The following TSPAN9 variants were observed in gnomAD, a reference collection of about 807,000 sequenced individuals.
The protein encoded by TSPAN9 is tetraspanin 9.
In TSPAN9, 16 loss-of-function variants were observed where a neutral mutation model predicts 31.0. That is an observed-to-expected ratio of 0.52 (90% CI 0.35 to 0.78). The LOEUF (loss-of-function observed/expected upper bound fraction) is 0.78. Ranked by LOEUF, TSPAN9 falls within the 30% of genes least tolerant of loss-of-function variation. TSPAN9 has a pLI of 0.01. For synonymous variants in TSPAN9, 145 were observed against 121.6 expected, an observed-to-expected ratio of 1.19 and a Z score of -1.27; for missense variants, 272 against 312.5, an observed-to-expected ratio of 0.87 and a Z score of 0.98.
chr12:3,178,546 C>T (rs1181968958), intron 2 of TSPAN9, among the ~76,000 whole-genome samples: 1 of 152,212 alleles, frequency 6.6e-6, no homozygotes, highest in Non-Finnish European at 1.5e-5. Flanking sequence ...CCGCCTTGGC[C>T]TCCCAAAGTG....
In TSPAN9 at chr12:3,109,091, A is replaced by T. The variant is rs555837615; in HGVS notation, c.-18+25372A>T. ...GCTGGGACTACAGGCACTCGCCACC[A>T]CGCCCGGCTAATTTTTTGCATTTTT... is the stretch of plus-strand genomic sequence containing the variant. On this transcript the variant is annotated intron_variant, in intron 2 of 8. Coordinates refer to ENST00000011898, the MANE Select transcript of TSPAN9 (RefSeq NM_006675.5). Among the ~76,000 whole-genome samples the T allele has an allele frequency of 4.2e-3, 636 of 151,738 alleles. 7 individuals are homozygous for T. Among genetic ancestry groups the T allele is most frequent in the Middle Eastern group, 0.031 (9 of 292 alleles).
intron 2 of TSPAN9, among the ~76,000 whole-genome samples, chr12:3,095,619 G>A (rs1256914618): frequency 2.6e-5 from 3 of 116,622 alleles, no homozygotes; most frequent in East Asian, 2.4e-4. Context: ...GCGGCTGGCC[G>A]GGCGGAGGGC....
At position 3,274,016 on chromosome 12, in the gene TSPAN9, T is replaced by TG. The variant is rs558273719; in HGVS notation, c.64-4402dup. On this transcript the variant is annotated intron_variant, in intron 3 of 8. Coordinates refer to ENST00000011898, the MANE Select transcript of TSPAN9 (RefSeq NM_006675.5). The stretch of plus-strand genomic sequence containing the variant: ...TCTCAAGATGTTGGCAGCCCAAGGG[T>TG]GGGTGCCTGGCGTGGGGGGATAGGG... Among the ~76,000 whole-genome samples the TG allele has an allele frequency of 1.2e-3, 179 of 151,756 alleles. 3 individuals are homozygous for TG. Among genetic ancestry groups the TG allele is most frequent in the Non-Finnish European group, 1.4e-3 (97 of 67,876 alleles).
Position 3,239,003 on chromosome 12 carries a change from C to A in TSPAN9, c.63+37747C>A, listed in dbSNP as rs561106408. 1.1e-4 allele frequency among the ~76,000 whole-genome samples: 16 copies of A among 152,314 alleles called. No individual in the cohort carries two copies. The East Asian group carries it at 2.9e-3, about 28-fold the overall frequency. ...CAGCCCAGAGAGGGGTAGGTGAGTT[C>A]CCACTGGCACCCAGCATGGCGTTAG... On this transcript the variant is annotated intron_variant, in intron 3 of 8. Coordinates refer to ENST00000011898, the MANE Select transcript of TSPAN9 (RefSeq NM_006675.5).
intron 3 of TSPAN9, among the ~76,000 whole-genome samples, chr12:3,275,150 T>C (rs1000496617): frequency 3.9e-5 from 6 of 152,226 alleles, no homozygotes; most frequent in African/African-American, 1.4e-4. Context: ...TCCTGGAGTT[T>C]CTGACCTAAG....
chr12:3,113,439 G>C (rs1331021308), intron 2 of TSPAN9, among the ~76,000 whole-genome samples: 1 of 152,126 alleles, frequency 6.6e-6, no homozygotes, highest in Non-Finnish European at 1.5e-5. Context: ...AATTGGGCTT[G>C]TTTCTTCAAC....
intron 2 of TSPAN9, among the ~76,000 whole-genome samples, chr12:3,117,429 C>A (rs2098322933): frequency 6.6e-6 from 1 of 152,088 alleles, no homozygotes; most frequent in Non-Finnish European, 1.5e-5. Flanking sequence ...AGTGGTGGGA[C>A]TATTTGCCCG....
At chr12:3,203,425 G>A (rs77178825) in intron 3 of TSPAN9, among the ~76,000 whole-genome samples, 2,621 of 152,300 alleles carry the variant, frequency 0.017, 51 homozygotes, top group African/African-American at 0.051. Context: ...AAGGCTCTCC[G>A]AGCGCCATAG....
intron 3 of TSPAN9, among the ~76,000 whole-genome samples, chr12:3,214,911 G>C (rs150499672): frequency 6.6e-6 from 1 of 151,616 alleles, no homozygotes; most frequent in Non-Finnish European, 1.5e-5. Flanking sequence ...CCCTGAACAC[G>C]TCTTCAGGGC....
intron 2 of TSPAN9, among the ~76,000 whole-genome samples, chr12:3,111,991 G>T (rs1370689286): frequency 1.3e-5 from 2 of 152,124 alleles, no homozygotes; most frequent in Middle Eastern, 3.4e-3. Flanking sequence ...TTTCCTCAAG[G>T]TTACAAATCG....
chr12:3,104,340 G>T (rs1166566580), intron 2 of TSPAN9, among the ~76,000 whole-genome samples: 1 of 146,312 alleles, frequency 6.8e-6, no homozygotes, highest in Non-Finnish European at 1.5e-5. Context: ...ACTAATAACT[G>T]TTTTTTTTTT....
intron 3 of TSPAN9, among the ~76,000 whole-genome samples, chr12:3,229,027 T>C (rs2098389291): frequency 6.6e-6 from 1 of 152,264 alleles, no homozygotes; most frequent in African/African-American, 2.4e-5. Context: ...CCCTCCCAGG[T>C]CATCCAGGAT....
intron 3 of TSPAN9, among the ~76,000 whole-genome samples, chr12:3,274,945 C>G (rs999751888): frequency 1.3e-5 from 2 of 152,224 alleles, no homozygotes; most frequent in Non-Finnish European, 2.9e-5. Context: ...GACTGCGCCC[C>G]CGTAGGGTAG....
At chr12:3,251,605 G>T (rs1445878856) in intron 3 of TSPAN9, among the ~76,000 whole-genome samples, 6 of 152,234 alleles carry the variant, frequency 3.9e-5, no homozygotes, top group Non-Finnish European at 8.8e-5. Flanking sequence ...TGCTTCTGGT[G>T]AATTTCTAGG....
chr12:3,114,147 C>T (rs964613192), intron 2 of TSPAN9, among the ~76,000 whole-genome samples: 4 of 152,212 alleles, frequency 2.6e-5, no homozygotes, highest in Admixed American at 2.0e-4. Context: ...GCTTTGCAGA[C>T]CATATGGTCT....
intron 2 of TSPAN9, among the ~76,000 whole-genome samples, chr12:3,183,542 G>A (rs947384561): frequency 6.6e-6 from 1 of 152,196 alleles, no homozygotes; most frequent in East Asian, 1.9e-4. Context: ...GAGCCAGTCA[G>A]ATCCAGTCAA....
At chr12:3,174,862 G>A (rs193020400) in intron 2 of TSPAN9, among the ~76,000 whole-genome samples, 23 of 152,094 alleles carry the variant, frequency 1.5e-4, no homozygotes, top group South Asian at 8.3e-4. Flanking sequence ...GATTACAGGC[G>A]TGAGCCACCG....
chr12:3,249,654 A>G (rs1183722308), intron 3 of TSPAN9, among the ~76,000 whole-genome samples: 1 of 152,182 alleles, frequency 6.6e-6, no homozygotes, highest in South Asian at 2.1e-4. Context: ...GCACCTCCAT[A>G]TAGCAGGTGC....
chr12:3,078,565 C>T (rs2098296271), intron 1 of TSPAN9, among the ~76,000 whole-genome samples: 1 of 152,124 alleles, frequency 6.6e-6, no homozygotes, highest in African/African-American at 2.4e-5. Context: ...AAACAATAGC[C>T]TGGACAAATC....
Sources: gnomAD v4.1 joint callset for allele counts (sites outside exome capture counted in the v4.1 genomes callset) on GRCh38, gnomAD v4.1.1 for gene constraint, MANE v1.5 for transcripts, NCBI Gene and HGNC (gene_info 2026-07-23, HGNC 2026-07-21) for gene names.